The following CTNNA2 variants were observed in gnomAD, a reference collection of about 807,000 sequenced individuals.
CTNNA2 encodes catenin alpha 2.
In CTNNA2, 42 loss-of-function variants were observed where a neutral mutation model predicts 101.0. That is an observed-to-expected ratio of 0.42 (90% confidence interval 0.32 to 0.54). The LOEUF (loss-of-function observed/expected upper bound fraction) is 0.54, where lower values mean the gene tolerates loss of function less well. Ranked by LOEUF, CTNNA2 falls within the 20% of genes least tolerant of loss-of-function variation. The pLI, the probability that CTNNA2 is intolerant of heterozygous loss-of-function variation, is 0.14. For synonymous variants in CTNNA2, 450 were observed against 456.4 expected (o/e 0.99, Z 0.18); for missense variants, 871 against 1,223.1 (o/e 0.71, Z 4.29).
intron 18 of CTNNA2, among the ~76,000 whole-genome samples, chr2:80,642,102 A>C (rs934187954): frequency 6.6e-6 from 1 of 152,160 alleles, no homozygotes; most frequent in African/African-American, 2.4e-5. Flanking sequence ...GCATTGTAGC[A>C]CTTCAACATC....
chr2:80,234,577 C>T (rs375916095), intron 7 of CTNNA2, among the ~76,000 whole-genome samples: 9 of 152,184 alleles, frequency 5.9e-5, no homozygotes, highest in South Asian at 2.1e-4. Flanking sequence ...AAGAGTTTTT[C>T]GGCTGATAAA....
At chr2:80,101,080 T>C (rs1156854792) in intron 7 of CTNNA2, among the ~76,000 whole-genome samples, 1 of 152,216 alleles carries the variant, frequency 6.6e-6, no homozygotes, top group Non-Finnish European at 1.5e-5. Flanking sequence ...TTGTTTGATA[T>C]GAAATAAAGT....
Position 79,494,117 on chromosome 2 carries a change from A to G in CTNNA2, c.-134-10937A>G, listed in dbSNP as rs138923081. Among the ~76,000 whole-genome samples, 71 of 152,264 alleles carry G rather than the reference A, an allele frequency of 4.7e-4. No homozygotes were observed. In the East Asian group the frequency reaches 0.013, roughly 27 times the overall value. ...AGAATTTGGGAATTAATTTAACAAG[A>G]CAAGTGCAATATTTGAATTCTGAAT... is the stretch of plus-strand genomic sequence containing the variant. On this transcript the variant is annotated intron_variant, in intron 4 of 21. Transcript: ENST00000466387.
chr2:79,205,508 A>T (rs1424676977), intron 2 of CTNNA2, among the ~76,000 whole-genome samples: 2 of 152,206 alleles, frequency 1.3e-5, no homozygotes, highest in Non-Finnish European at 2.9e-5. Context: ...GTATAGACAT[A>T]AAAAAGACTG....
At chr2:80,274,607 C>T (rs1673751061) in intron 7 of CTNNA2, among the ~76,000 whole-genome samples, 1 of 152,190 alleles carries the variant, frequency 6.6e-6, no homozygotes, top group South Asian at 2.1e-4. Flanking sequence ...TATTGTCTAG[C>T]TTCTCAATTA....
At chr2:80,246,639 A>T (rs932421033) in intron 7 of CTNNA2, among the ~76,000 whole-genome samples, 1 of 152,244 alleles carries the variant, frequency 6.6e-6, no homozygotes, top group African/African-American at 2.4e-5. Context: ...TAATACCACA[A>T]ACAGGACATG....
At chr2:79,723,230 T>A (rs1686601436) in intron 2 of CTNNA2, among the ~76,000 whole-genome samples, 1 of 152,128 alleles carries the variant, frequency 6.6e-6, no homozygotes, top group South Asian at 2.1e-4. Context: ...ATGGATGGCT[T>A]TAGAGAAAAA....
At chr2:79,893,944 TTCTC>T (rs1684481837) in intron 6 of CTNNA2, among the ~76,000 whole-genome samples, 1 of 152,132 alleles carries the variant, frequency 6.6e-6, no homozygotes, top group Non-Finnish European at 1.5e-5. Context: ...ATCTGAAAAA[TTCTC>T]TAACTAAATT....
intron 7 of CTNNA2, among the ~76,000 whole-genome samples, chr2:80,039,116 A>G (rs1321873948): frequency 2.0e-5 from 3 of 152,146 alleles, no homozygotes; most frequent in Non-Finnish European, 2.9e-5. Context: ...CATGTTTTAT[A>G]TGTGTGTTTC....
At chr2:79,771,363 C>A (rs1440651566) in intron 3 of CTNNA2, among the ~76,000 whole-genome samples, 2 of 152,174 alleles carry the variant, frequency 1.3e-5, no homozygotes, top group East Asian at 3.9e-4. Flanking sequence ...AGTTTTTCCT[C>A]AGACGAGGGG....
At chr2:79,438,708 T>G (rs1239046906) in intron 4 of CTNNA2, among the ~76,000 whole-genome samples, 8 of 152,142 alleles carry the variant, frequency 5.3e-5, no homozygotes, top group Non-Finnish European at 8.8e-5. Flanking sequence ...GTCTGAAACC[T>G]CACCTAGGCC....
chr2:79,918,434 A>G (rs1686415046), intron 7 of CTNNA2, among the ~76,000 whole-genome samples: 2 of 152,216 alleles, frequency 1.3e-5, no homozygotes, highest in African/African-American at 4.8e-5. Flanking sequence ...ATGGCCAGCT[A>G]GATTAGGGGC....
At chr2:80,082,513 T>G (rs1699213182) in intron 7 of CTNNA2, among the ~76,000 whole-genome samples, 1 of 152,164 alleles carries the variant, frequency 6.6e-6, no homozygotes, top group African/African-American at 2.4e-5. Context: ...CCAGTGCTTT[T>G]TACTTACAGG....
chr2:79,517,824 A>G (rs1302357331), intron 1 of CTNNA2, among the ~76,000 whole-genome samples: 1 of 152,134 alleles, frequency 6.6e-6, no homozygotes, highest in Non-Finnish European at 1.5e-5. Flanking sequence ...ATTGAACACT[A>G]TTTTATTTTT....
intron 3 of CTNNA2, among the ~76,000 whole-genome samples, chr2:79,840,976 A>G (rs535345189): frequency 2.0e-5 from 3 of 152,042 alleles, no homozygotes; most frequent in Non-Finnish European, 4.4e-5. Context: ...TCACCGTGTT[A>G]GCCAACATGG....
At chr2:79,542,928 G>A (rs987703044) in intron 1 of CTNNA2, among the ~76,000 whole-genome samples, 1 of 152,034 alleles carries the variant, frequency 6.6e-6, no homozygotes, top group African/African-American at 2.4e-5. Flanking sequence ...TGAGAATATG[G>A]AGGGGCTTAG....
At chr2:79,363,272 C>T (rs1677671218) in intron 3 of CTNNA2, among the ~76,000 whole-genome samples, 1 of 152,192 alleles carries the variant, frequency 6.6e-6, no homozygotes, top group Non-Finnish European at 1.5e-5. Flanking sequence ...AGAACAAGCT[C>T]TCTACTGTCT....
chr2:79,455,141 C>T (rs1450843578), intron 4 of CTNNA2, among the ~76,000 whole-genome samples: 1 of 152,148 alleles, frequency 6.6e-6, no homozygotes, highest in African/African-American at 2.4e-5. Context: ...TGACTATGCT[C>T]ATCATGCATT....
intron 7 of CTNNA2, among the ~76,000 whole-genome samples, chr2:80,264,464 C>T (rs1483228977): frequency 2.0e-5 from 3 of 152,064 alleles, no homozygotes; most frequent in Non-Finnish European, 4.4e-5. Context: ...ATTTCATGCC[C>T]AATATTCATA....
Sources: gnomAD v4.1 joint callset for allele counts (sites outside exome capture counted in the v4.1 genomes callset) on GRCh38, gnomAD v4.1.1 for gene constraint, MANE v1.5 for transcripts, NCBI Gene and HGNC (gene_info 2026-07-23, HGNC 2026-07-21) for gene names.